The following KLF12 variants were observed in gnomAD, a reference collection of about 807,000 sequenced individuals.
KLF12 encodes Krueppel-like factor 12.
A neutral mutation model predicts 37.8 loss-of-function variants in KLF12; 9 were observed. The ratio of observed to expected loss-of-function variants is 0.24; its 90% confidence interval spans 0.14 to 0.42. The LOEUF is 0.42. KLF12 is among the 10% of genes least tolerant of loss of function. The probability of loss-of-function intolerance (pLI) is 1.00; values close to 1 mark genes in which losing one functional copy is unlikely to be tolerated. For missense variants in KLF12, 411 were observed against 516.0 expected, an observed-to-expected ratio of 0.80 and a Z score of 1.97; for synonymous variants, 208 against 202.1, an observed-to-expected ratio of 1.03 and a Z score of -0.25.
chr13:73,994,292 T>A (rs138804842), intron 2 of KLF12, among the ~76,000 whole-genome samples: 2 of 152,328 alleles, frequency 1.3e-5, no homozygotes, highest in African/African-American at 4.8e-5. Flanking sequence ...TGCTTCTGTA[T>A]GAGACCTGTT....
At chr13:74,213,262 T>G in the KLF12 span, among the ~76,000 whole-genome samples, 1 of 152,204 alleles carries the variant, frequency 6.6e-6, no homozygotes, top group Non-Finnish European at 1.5e-5. Context: ...TTTTTATTTT[T>G]CTAGTCGGTG....
intron 5 of KLF12, among the ~76,000 whole-genome samples, chr13:73,797,374 A>C (rs1882037277): frequency 6.6e-6 from 1 of 152,146 alleles, no homozygotes; most frequent in Admixed American, 6.5e-5. Flanking sequence ...TCTTCATCTT[A>C]TTCTTTAGAG....
chr13:74,185,941 G>A, the KLF12 span, among the ~76,000 whole-genome samples: 1 of 152,124 alleles, frequency 6.6e-6, no homozygotes, highest in African/African-American at 2.4e-5. Flanking sequence ...ACTGCGACCG[G>A]CCAAGACTTC....
intron 4 of KLF12, among the ~76,000 whole-genome samples, chr13:73,818,784 A>C (rs1883370391): frequency 6.6e-6 from 1 of 152,216 alleles, no homozygotes; most frequent in Admixed American, 6.5e-5. Flanking sequence ...ACACAGATGG[A>C]AGGTGTGAAG....
chr13:74,256,758 C>T, the KLF12 span, among the ~76,000 whole-genome samples: 2 of 151,586 alleles, frequency 1.3e-5, no homozygotes, highest in Non-Finnish European at 2.9e-5. Context: ...GTTTTGGAAA[C>T]GGCCTACTAT....
chr13:73,855,080 T>C (rs1240732924), intron 3 of KLF12, among the ~76,000 whole-genome samples: 1 of 152,206 alleles, frequency 6.6e-6, no homozygotes, highest in Non-Finnish European at 1.5e-5. Context: ...AACTTTTCCA[T>C]GAGCAGTGGA....
chr13:73,922,312 C>T (rs1490795628), intron 3 of KLF12, among the ~76,000 whole-genome samples: 1 of 152,066 alleles, frequency 6.6e-6, no homozygotes, highest in Non-Finnish European at 1.5e-5. Context: ...TACAGATACT[C>T]CTGGTCATAA....
At chr13:74,009,358 C>A (rs1437850330) in intron 1 of KLF12, among the ~76,000 whole-genome samples, 4 of 152,192 alleles carry the variant, frequency 2.6e-5, no homozygotes, top group Non-Finnish European at 4.4e-5. Flanking sequence ...GTTAAGTAAT[C>A]TTCACGGTAA....
At chr13:73,958,056 C>G (rs1462784749) in intron 2 of KLF12, among the ~76,000 whole-genome samples, 1 of 152,160 alleles carries the variant, frequency 6.6e-6, no homozygotes, top group African/African-American at 2.4e-5. Flanking sequence ...TATATCTGTG[C>G]TGTCTGGGTA....
At chr13:74,040,069 G>C (rs1488078170) in intron 1 of KLF12, among the ~76,000 whole-genome samples, 1 of 152,158 alleles carries the variant, frequency 6.6e-6, no homozygotes, top group East Asian at 1.9e-4. Context: ...CACATATATA[G>C]GACCCTTTCT....
chr13:73,852,823 T>C (rs549914917), intron 3 of KLF12, among the ~76,000 whole-genome samples: 2 of 151,916 alleles, frequency 1.3e-5, no homozygotes, highest in East Asian at 1.9e-4. Flanking sequence ...TTAAGAAAAT[T>C]TGAAGTCTAT....
chr13:74,274,312 A>G, the KLF12 span, among the ~76,000 whole-genome samples: 3 of 152,156 alleles, frequency 2.0e-5, no homozygotes, highest in Middle Eastern at 3.2e-3. Context: ...ATCAGCTCAT[A>G]CGTCTTCTTT....
At chr13:73,732,912 C>T (rs1242634465) in intron 6 of KLF12, among the ~76,000 whole-genome samples, 1 of 152,176 alleles carries the variant, frequency 6.6e-6, no homozygotes, top group Non-Finnish European at 1.5e-5. Flanking sequence ...CAGGAAATAA[C>T]CACTTCTCTC....
chr13:74,141,110 G>T, the KLF12 span, among the ~76,000 whole-genome samples: 3 of 151,950 alleles, frequency 2.0e-5, no homozygotes, highest in Non-Finnish European at 4.4e-5. Flanking sequence ...TATAGCTCAG[G>T]GGTATAGAAT....
intron 3 of KLF12, among the ~76,000 whole-genome samples, chr13:73,901,695 A>G (rs1888049036): frequency 6.6e-6 from 1 of 152,178 alleles, no homozygotes. Context: ...GCAAAGCAAT[A>G]AAGATCAGCA....
chr13:73,785,316 G>A (rs1268890480), intron 5 of KLF12, among the ~76,000 whole-genome samples: 1 of 151,956 alleles, frequency 6.6e-6, no homozygotes, highest in Non-Finnish European at 1.5e-5. Flanking sequence ...GTCTCCCTAT[G>A]TTATCCAGGC....
At chr13:74,163,273 T>C in the KLF12 span, among the ~76,000 whole-genome samples, 4 of 152,168 alleles carry the variant, frequency 2.6e-5, no homozygotes, top group African/African-American at 7.2e-5. Context: ...CAAAGAGATA[T>C]CTGCACTCCT....
chr13:74,102,224 A>G (rs7327861), intron 1 of KLF12, among the ~76,000 whole-genome samples: 30,419 of 148,156 alleles, frequency 0.21, 3,714 homozygotes, highest in African/African-American at 0.36. Flanking sequence ...TCTCAAAAAA[A>G]AGAAAAAAAA....
the KLF12 span, among the ~76,000 whole-genome samples, chr13:74,266,394 C>T: frequency 6.6e-6 from 1 of 152,138 alleles, no homozygotes; most frequent in Admixed American, 6.6e-5. Flanking sequence ...CAAGCTCATT[C>T]ACCAAAAAAT....
Sources: gnomAD v4.1 joint callset for allele counts (sites outside exome capture counted in the v4.1 genomes callset) on GRCh38, gnomAD v4.1.1 for gene constraint, MANE v1.5 for transcripts, NCBI Gene and HGNC (gene_info 2026-07-23, HGNC 2026-07-21) for gene names.